The following CKAP5 variants were observed in gnomAD, a reference collection of about 807,000 sequenced individuals.
CKAP5 encodes cytoskeleton associated protein 5, also known as cytoskeleton-associated protein 5.
CKAP5 carries 27 observed loss-of-function variants against 232.8 expected under a neutral mutation model. That is an observed-to-expected ratio of 0.12 (90% CI 0.09 to 0.16). The LOEUF is 0.16. Ranked by LOEUF, CKAP5 falls within the 10% of genes least tolerant of loss-of-function variation. The probability of loss-of-function intolerance (pLI) is 1.00; values close to 1 mark genes in which losing one functional copy is unlikely to be tolerated. For missense variants in CKAP5, 1,838 were observed against 2,424.7 expected (o/e 0.76, Z 5.08); for synonymous variants, 785 against 841.1 (o/e 0.93, Z 1.16).
chr11:46,783,783 G>A (rs1349964867), intron 17 of CKAP5, among the ~76,000 whole-genome samples: 1 of 151,842 alleles, frequency 6.6e-6, no homozygotes, highest in African/African-American at 2.4e-5. Context: ...TCGGCTCACT[G>A]CCACGTCTGT....
rs868088714 is a variant in CKAP5 at position 46,809,731 on chromosome 11, A to C, written c.763+11T>G. ...AATTTTTGCAGAAACCGGTGTTTAA[A>C]ATTGGCTTACCTCCTTCAGCATCTC... On this transcript the variant is annotated intron_variant, in intron 6 of 43. Coordinates refer to ENST00000529230, the MANE Select transcript of CKAP5 (RefSeq NM_001008938.4). 19 of 1,613,588 alleles carry C rather than the reference A, an allele frequency of 1.2e-5. No homozygotes were observed. In the Middle Eastern group the frequency reaches 6.6e-4, roughly 56 times the overall value.
At chr11:46,753,622 G>A in intron 36 of CKAP5, 125 bp from the exon 37 acceptor site, 1 of 692,840 alleles carries the variant, frequency 1.4e-6, no homozygotes, top group Non-Finnish European at 2.3e-6. Context: ...AGTCTCCTCT[G>A]TCGCCCAGGC....
rs1333444832 is a variant in CKAP5 at position 46,752,712 on chromosome 11, T to C, written c.5058-2A>G. 6.2e-7 allele frequency: 1 copy of C among 1,611,362 alleles called. No individual in the cohort carries two copies. Among genetic ancestry groups the C allele is most frequent in the Non-Finnish European group, 8.5e-7 (1 of 1,178,354 alleles). ...TCTTGGAGCAAAACAAGTAGGGCAC[T>C]GGAAGAAAAACCCAACACAACAGCA... is the stretch of plus-strand genomic sequence containing the variant. On this transcript the variant is annotated splice_acceptor_variant, in intron 37 of 43. Transcript: ENST00000529230. LOFTEE classifies it high-confidence loss of function.
intron 1 of CKAP5, among the ~76,000 whole-genome samples, chr11:46,830,566 G>A (rs145079641): frequency 2.5e-3 from 376 of 152,250 alleles, no homozygotes; most frequent in African/African-American, 8.7e-3. Context: ...GGCTCTGGAG[G>A]GAGTGTGGCC....
chr11:46,806,185 A>G (rs1490688285), intron 8 of CKAP5, among the ~76,000 whole-genome samples: 1 of 152,176 alleles, frequency 6.6e-6, no homozygotes, highest in Non-Finnish European at 1.5e-5. Flanking sequence ...TGTCTACTCA[A>G]ATATAAAATC....
Position 46,776,403 on chromosome 11 carries a change from A to G in CKAP5, c.2863-20T>C. The stretch of plus-strand genomic sequence containing the variant: ...ATTGTTCTAAATGGAGAAGATAATC[A>G]GCAAAAATAATATCTACTACAGTTT... On this transcript the variant is annotated intron_variant, in intron 23 of 43. Transcript: ENST00000529230. 1 of 1,601,126 alleles carries G rather than the reference A, an allele frequency of 6.2e-7. No individual in the cohort carries two copies. Among genetic ancestry groups the G allele is most frequent in the Non-Finnish European group, 8.5e-7 (1 of 1,173,598 alleles).
intron 8 of CKAP5, among the ~76,000 whole-genome samples, chr11:46,806,838 G>A (rs1939166204): frequency 6.6e-6 from 1 of 152,106 alleles, no homozygotes; most frequent in African/African-American, 2.4e-5. Context: ...GTTGTCTATT[G>A]TGCACATTCC....
At chr11:46,798,061 C>T in intron 10 of CKAP5, 22 bp downstream of exon 10, 1 of 1,610,542 alleles carries the variant, frequency 6.2e-7, no homozygotes, top group Non-Finnish European at 8.5e-7. Flanking sequence ...GATAAAACTA[C>T]AAACTCATGC....
rs146618390 is a variant in CKAP5, at chr11:46,754,171, G to C, written c.4870-674C>G. 9.8e-4 allele frequency among the ~76,000 whole-genome samples: 148 copies of C among 150,930 alleles called. 1 individual carries two copies. In the East Asian group the frequency reaches 0.029, roughly 29 times the overall value. On this transcript the variant is annotated intron_variant, in intron 36 of 43. Transcript: ENST00000529230. The stretch of plus-strand genomic sequence containing the variant: ...CGCCACCAGGCCTGGCTAATTTTTT[G>C]TATTTTTAGTAGAGATGGGGTTTCA...
intron 26 of CKAP5, 40 bp downstream of exon 26, chr11:46,769,918 TCAGGG>T: frequency 6.2e-7 from 1 of 1,605,378 alleles, no homozygotes; most frequent in Non-Finnish European, 8.5e-7. Context: ...TTAGAGTTCC[TCAGGG>T]CTATTTCCTT....
intron 1 of CKAP5, among the ~76,000 whole-genome samples, chr11:46,837,729 T>C (rs2134718833): frequency 6.6e-6 from 1 of 152,234 alleles, no homozygotes; most frequent in East Asian, 1.9e-4. Flanking sequence ...AGGACAAAGC[T>C]GGAACAACCT....
At chr11:46,840,388 T>G (rs1940024374) in intron 1 of CKAP5, among the ~76,000 whole-genome samples, 1 of 152,184 alleles carries the variant, frequency 6.6e-6, no homozygotes, top group African/African-American at 2.4e-5. Context: ...TGACAGACAT[T>G]AAGCATCAAT....
At chr11:46,779,037 G>A (rs1017620968) in intron 20 of CKAP5, among the ~76,000 whole-genome samples, 12 of 152,136 alleles carry the variant, frequency 7.9e-5, no homozygotes, top group Non-Finnish European at 1.3e-4. Context: ...CCCAGGAAGC[G>A]CCATTGTACT....
At chr11:46,797,373 A>G (rs1222980769) in intron 11 of CKAP5, among the ~76,000 whole-genome samples, 1 of 147,886 alleles carries the variant, frequency 6.8e-6, no homozygotes, top group Non-Finnish European at 1.5e-5. Flanking sequence ...TCTCAAACAA[A>G]ACAAAAACAA....
intron 1 of CKAP5, among the ~76,000 whole-genome samples, chr11:46,836,517 A>G (rs960091243): frequency 1.3e-5 from 2 of 152,216 alleles, no homozygotes; most frequent in African/African-American, 4.8e-5. Flanking sequence ...GTTTGAGACC[A>G]GCCTGGTCAA....
In CKAP5 at chr11:46,821,246, T is replaced by C. The variant is rs1939516758; in HGVS notation, c.-15A>G. On this transcript the variant is annotated 5_prime_UTR_variant, in exon 2 of 44. Coordinates refer to ENST00000529230, the MANE Select transcript of CKAP5 (RefSeq NM_001008938.4). The stretch of plus-strand genomic sequence containing the variant: ...TCATCTCCCATTGTGCTTCCAGGTT[T>C]TCCTTAGAATTAAGAGTATTTCCTG... 6.2e-7 allele frequency: 1 copy of C among 1,603,564 alleles called. No homozygotes were observed. The highest frequency in any genetic ancestry group is 1.3e-5 in the African/African-American group (1 of 74,688).
chr11:46,776,034 C>T (rs1437204306), intron 24 of CKAP5, among the ~76,000 whole-genome samples: 1 of 151,958 alleles, frequency 6.6e-6, no homozygotes, highest in Non-Finnish European at 1.5e-5. Flanking sequence ...AAAAATTCCA[C>T]AAAAAGCCTA....
intron 14 of CKAP5, 47 bp from the exon 15 acceptor site, chr11:46,790,233 C>T: frequency 7.6e-7 from 1 of 1,322,044 alleles, no homozygotes; most frequent in Non-Finnish European, 1.1e-6. Flanking sequence ...CTTAAGGGAA[C>T]AGATGACAAG....
At chr11:46,767,699 T>C (rs763757460) in intron 26 of CKAP5, 36 bp from the exon 27 acceptor site, 1 of 1,277,268 alleles carries the variant, frequency 7.8e-7, no homozygotes, top group Non-Finnish European at 1.1e-6. Flanking sequence ...CTATAAACTT[T>C]AACTAATATC....
Sources: gnomAD v4.1 joint callset for allele counts (sites outside exome capture counted in the v4.1 genomes callset) on GRCh38, gnomAD v4.1.1 for gene constraint, MANE v1.5 for transcripts, NCBI Gene and HGNC (gene_info 2026-07-23, HGNC 2026-07-21) for gene names.